Variants in CCDC7 observed in about 807,000 individuals in gnomAD.
The protein encoded by CCDC7 is coiled-coil domain containing 7, also known as coiled-coil domain-containing protein 7.
In CCDC7, 183 loss-of-function variants were observed where a neutral mutation model predicts 196.9. That is an observed-to-expected ratio of 0.93 (90% CI 0.82 to 1.05). The LOEUF (loss-of-function observed/expected upper bound fraction) is 1.05. Ranked by LOEUF, CCDC7 falls within the 50% of genes least tolerant of loss-of-function variation. The pLI is 0.00. For missense variants in CCDC7, 1,540 were observed against 1,482.2 expected (o/e 1.04, Z -0.64); for synonymous variants, 525 against 484.6 (o/e 1.08, Z -1.10).
chr10:32,839,598 G>A (rs1288287411), intron 33 of CCDC7, among the ~76,000 whole-genome samples: 1 of 151,904 alleles, frequency 6.6e-6, no homozygotes, highest in Non-Finnish European at 1.5e-5. Context: ...AAATCATCAA[G>A]GCAGAAAGTC....
chr10:32,833,378 T>C (rs2092373323), intron 32 of CCDC7, among the ~76,000 whole-genome samples: 1 of 149,526 alleles, frequency 6.7e-6, no homozygotes, highest in African/African-American at 2.5e-5. Context: ...GAAAGCTCAA[T>C]AAAATCCATG....
At chr10:32,655,916 T>A (rs1180042554) in intron 20 of CCDC7, among the ~76,000 whole-genome samples, 1 of 152,196 alleles carries the variant, frequency 6.6e-6, no homozygotes, top group African/African-American at 2.4e-5. Context: ...CTTCTTAATA[T>A]TGAATTGATT....
intron 18 of CCDC7, among the ~76,000 whole-genome samples, chr10:32,604,388 C>CT (rs2061368978): frequency 6.6e-6 from 1 of 151,992 alleles, no homozygotes; most frequent in Non-Finnish European, 1.5e-5. Context: ...CAATTTGGCT[C>CT]TTTTTGCCCA....
intron 20 of CCDC7, among the ~76,000 whole-genome samples, chr10:32,660,023 A>G (rs73259411): frequency 0.046 from 6,962 of 152,210 alleles, 539 homozygotes; most frequent in African/African-American, 0.16. Context: ...ACGTGTGCAC[A>G]TGTACGTGCC....
At chr10:32,594,156 C>T (rs533390021) in intron 18 of CCDC7, among the ~76,000 whole-genome samples, 12 of 152,244 alleles carry the variant, frequency 7.9e-5, no homozygotes, top group Admixed American at 5.2e-4. Context: ...GCCATTTTCA[C>T]GATATTGATT....
chr10:32,474,996 T>C (rs951400423), intron 8 of CCDC7, among the ~76,000 whole-genome samples: 3 of 152,220 alleles, frequency 2.0e-5, no homozygotes, highest in Non-Finnish European at 2.9e-5. Context: ...CCAAGTTCTA[T>C]AGAGATTTCT....
Position 32,676,397 on chromosome 10 carries a change from T to C in CCDC7, c.2123-9573T>C, listed in dbSNP as rs979598051. 2.4e-4 allele frequency among the ~76,000 whole-genome samples: 37 copies of C among 151,770 alleles called. No individual in the cohort carries two copies. In the East Asian group the frequency reaches 2.7e-3, roughly 11 times the overall value. On this transcript the variant is annotated intron_variant, in intron 21 of 41. Coordinates refer to ENST00000639629, the Ensembl canonical transcript of CCDC7. ...ATCTAATTAAACTGAAGAGCTTCTG[T>C]ACAGCAAAAGAAACTACCATCAGAG...
chr10:32,714,945 G>A (rs1374973999), intron 25 of CCDC7, among the ~76,000 whole-genome samples: 2 of 152,208 alleles, frequency 1.3e-5, no homozygotes, highest in African/African-American at 4.8e-5. Flanking sequence ...CAGAGCATCT[G>A]GGGGAAGGGG....
At chr10:32,511,509 G>T in intron 9 of CCDC7, 1 of 1,603,640 alleles carries the variant, frequency 6.2e-7, no homozygotes, top group Non-Finnish European at 8.5e-7. Context: ...TGTTCCTTAG[G>T]ATTAACTCCT....
At chr10:32,703,250 AT>A (rs1389082159) in intron 24 of CCDC7, among the ~76,000 whole-genome samples, 1 of 151,950 alleles carries the variant, frequency 6.6e-6, no homozygotes, top group African/African-American at 2.4e-5. Flanking sequence ...TTTGTAAAGG[AT>A]TTTATTTCTC....
At chr10:32,548,226 A>G (rs1589752025) in intron 13 of CCDC7, among the ~76,000 whole-genome samples, 1 of 152,046 alleles carries the variant, frequency 6.6e-6, no homozygotes, top group African/African-American at 2.4e-5. Flanking sequence ...TTATTCCCCT[A>G]TTGGCTAGGG....
chr10:32,492,057 A>C, intron 9 of CCDC7, 60 bp downstream of exon 10: 2 of 1,461,496 alleles, frequency 1.4e-6, no homozygotes, highest in Non-Finnish European at 1.8e-6. Context: ...GACAGATAAA[A>C]TTGTATTTTT....
intron 28 of CCDC7, among the ~76,000 whole-genome samples, chr10:32,746,034 C>T (rs989723418): frequency 1.3e-5 from 2 of 152,032 alleles, no homozygotes; most frequent in African/African-American, 4.8e-5. Flanking sequence ...TAAAGGAAAA[C>T]AATTGACTTT....
intron 29 of CCDC7, among the ~76,000 whole-genome samples, chr10:32,795,327 T>A (rs1483324836): frequency 6.6e-6 from 1 of 152,186 alleles, no homozygotes; most frequent in African/African-American, 2.4e-5. Flanking sequence ...CACTGGTTTT[T>A]CCTCTGCTTG....
At chr10:32,762,682 GA>G (rs2077643868) in intron 28 of CCDC7, among the ~76,000 whole-genome samples, 2 of 151,674 alleles carry the variant, frequency 1.3e-5, no homozygotes, top group South Asian at 4.1e-4. Flanking sequence ...ACTGATGGAA[GA>G]GAATAGATGA....
chr10:32,632,867 A>C (rs188982763), intron 18 of CCDC7, among the ~76,000 whole-genome samples: 37 of 152,294 alleles, frequency 2.4e-4, no homozygotes, highest in African/African-American at 8.9e-4. Flanking sequence ...CATATTGCAT[A>C]TCTTAGAGAT....
chr10:32,827,752 C>A (rs1166299105), intron 32 of CCDC7, among the ~76,000 whole-genome samples: 7 of 152,054 alleles, frequency 4.6e-5, no homozygotes, highest in African/African-American at 1.2e-4. Context: ...ATGTAACAAA[C>A]CTGCACGTTG....
chr10:32,616,588 A>G lies in CCDC7; in HGVS notation c.1802-17666A>G, dbSNP rs75528478. On this transcript the variant is annotated intron_variant, in intron 18 of 41. Transcript: ENST00000639629. Reference sequence around the variant, plus strand: ...TGGTGAAGTCTTTAGGGTTTTCTAGAATAAGATATTATCATCAGTGAACAG... The same window carrying G: ...TGGTGAAGTCTTTAGGGTTTTCTAGGATAAGATATTATCATCAGTGAACAG... Among the ~76,000 whole-genome samples the G allele has an allele frequency of 8.4e-3, 1,266 of 151,292 alleles. 27 individuals carry two copies. Among genetic ancestry groups the G allele is most frequent in the African/African-American group, 0.028 (1,168 of 41,316 alleles).
intron 9 of CCDC7, among the ~76,000 whole-genome samples, chr10:32,503,399 A>G (rs1278126268): frequency 6.6e-6 from 1 of 152,170 alleles, no homozygotes; most frequent in East Asian, 1.9e-4. Context: ...TCTTATGATC[A>G]TATGGTTTTG....
Sources: gnomAD v4.1 joint callset for allele counts (sites outside exome capture counted in the v4.1 genomes callset) on GRCh38, gnomAD v4.1.1 for gene constraint, MANE v1.5 for transcripts, NCBI Gene and HGNC (gene_info 2026-07-23, HGNC 2026-07-21) for gene names.